Variants in GRIK2 observed in about 807,000 individuals in gnomAD.
The protein encoded by GRIK2 is glutamate ionotropic receptor kainate type subunit 2.
Under a neutral mutation model 100.3 loss-of-function variants are expected in GRIK2, and 32 were observed. The ratio of observed to expected loss-of-function variants is 0.32; its 90% confidence interval spans 0.24 to 0.43. The LOEUF is 0.43. Ranked by LOEUF, GRIK2 falls within the 20% of genes least tolerant of loss-of-function variation. The pLI is 1.00. For missense variants in GRIK2, 843 were observed against 1,114.9 expected, an observed-to-expected ratio of 0.76 and a Z score of 3.47; for synonymous variants, 417 against 389.4, an observed-to-expected ratio of 1.07 and a Z score of -0.83.
intron 2 of GRIK2, among the ~76,000 whole-genome samples, chr6:101,549,711 A>G (rs939924970): frequency 1.5e-4 from 23 of 152,114 alleles, no homozygotes; most frequent in Non-Finnish European, 2.1e-4. Context: ...CTCTTTTTTG[A>G]CTTAAGTTAA....
intron 7 of GRIK2, among the ~76,000 whole-genome samples, chr6:101,775,077 T>C (rs1266457242): frequency 2.6e-5 from 4 of 152,146 alleles, no homozygotes; most frequent in African/African-American, 7.2e-5. Context: ...ACAAGAGTTT[T>C]TGAAAGAATG....
intron 9 of GRIK2, among the ~76,000 whole-genome samples, chr6:101,804,100 C>A (rs1320243568): frequency 6.6e-6 from 1 of 151,418 alleles, no homozygotes; most frequent in Non-Finnish European, 1.5e-5. Context: ...TTCAAAAGAC[C>A]AATAAAAATA....
At chr6:101,531,254 A>C (rs186152930) in intron 2 of GRIK2, among the ~76,000 whole-genome samples, 1 of 151,992 alleles carries the variant, frequency 6.6e-6, no homozygotes, top group Non-Finnish European at 1.5e-5. Context: ...AATTATACAT[A>C]CTTCTAATAT....
At chr6:101,710,502 A>T (rs1773622803) in intron 7 of GRIK2, among the ~76,000 whole-genome samples, 1 of 151,956 alleles carries the variant, frequency 6.6e-6, no homozygotes, top group Admixed American at 6.6e-5. Flanking sequence ...AGTTTGAATC[A>T]AGAGTGGTGG....
At chr6:101,589,837 A>C (rs1778556522) in intron 2 of GRIK2, among the ~76,000 whole-genome samples, 1 of 152,120 alleles carries the variant, frequency 6.6e-6, no homozygotes, top group Admixed American at 6.6e-5. Context: ...CATGGAGAGA[A>C]GTAGTTTGGA....
At chr6:101,680,538 GT>G (rs1771166901) in intron 5 of GRIK2, among the ~76,000 whole-genome samples, 1 of 152,062 alleles carries the variant, frequency 6.6e-6, no homozygotes. Flanking sequence ...GACTTCTAGG[GT>G]TTTTATGAGG....
intron 2 of GRIK2, among the ~76,000 whole-genome samples, chr6:101,470,367 C>T (rs990680274): frequency 6.6e-6 from 1 of 152,114 alleles, no homozygotes; most frequent in African/African-American, 2.4e-5. Flanking sequence ...GGTGAGAGGG[C>T]AAGCTTCTTT....
chr6:101,527,781 A>T (rs1000168123), intron 2 of GRIK2, among the ~76,000 whole-genome samples: 5 of 152,198 alleles, frequency 3.3e-5, no homozygotes, highest in Non-Finnish European at 7.3e-5. Context: ...TATCTGGAAA[A>T]TAATAGGAAA....
At chr6:101,883,193 C>G (rs1786378054) in intron 11 of GRIK2, among the ~76,000 whole-genome samples, 1 of 150,764 alleles carries the variant, frequency 6.6e-6, no homozygotes, top group African/African-American at 2.4e-5. Flanking sequence ...ACTATGCGGT[C>G]TTTACAACAA....
chr6:101,457,197 T>C (rs565825069), intron 2 of GRIK2, among the ~76,000 whole-genome samples: 51 of 152,276 alleles, frequency 3.3e-4, no homozygotes, highest in African/African-American at 9.4e-4. Context: ...ATTCAGTGTG[T>C]CTGTTTTTCC....
chr6:102,065,982 A>C, intron 16 of GRIK2: 2 of 1,025,342 alleles, frequency 2.0e-6, no homozygotes. Flanking sequence ...GTCAGGTGCC[A>C]CATAAATCCT....
chr6:101,759,582 C>T (rs1777354949), intron 7 of GRIK2, among the ~76,000 whole-genome samples: 1 of 152,118 alleles, frequency 6.6e-6, no homozygotes, highest in African/African-American at 2.4e-5. Flanking sequence ...TACCAGGGGA[C>T]ATATGGCTGT....
At chr6:101,851,969 A>AT (rs1562439156) in intron 10 of GRIK2, among the ~76,000 whole-genome samples, 4 of 151,436 alleles carry the variant, frequency 2.6e-5, no homozygotes, top group African/African-American at 9.7e-5. Context: ...AAAAAAAAAA[A>AT]AAAAAATCTT....
rs76675593 is a variant in GRIK2, at chr6:101,442,203, G to A, written c.115+42811G>A. ...GCCAAAAACCAGGTTCTTGTCACAG[G>A]ACCAGGAAAAGATTAGGCTCACAGA... On this transcript the variant is annotated intron_variant, in intron 2 of 16. Coordinates refer to ENST00000369134, the MANE Select transcript of GRIK2 (RefSeq NM_021956.5). Among the ~76,000 whole-genome samples, 18 of 152,224 alleles carry A rather than the reference G, an allele frequency of 1.2e-4. No homozygotes were observed. The East Asian group carries it at 3.3e-3, about 28-fold the overall frequency.
At chr6:101,633,678 T>G (rs943233438) in intron 4 of GRIK2, among the ~76,000 whole-genome samples, 2 of 152,136 alleles carry the variant, frequency 1.3e-5, no homozygotes, top group Admixed American at 1.3e-4. Flanking sequence ...GATAAAATAA[T>G]CAAGATTTTT....
At chr6:101,733,496 C>T (rs1020523518) in intron 7 of GRIK2, among the ~76,000 whole-genome samples, 3 of 152,046 alleles carry the variant, frequency 2.0e-5, no homozygotes, top group Admixed American at 6.6e-5. Context: ...CTGGCATAAT[C>T]CTGTCTTTAT....
At chr6:101,981,958 T>C (rs1793737332) in intron 14 of GRIK2, among the ~76,000 whole-genome samples, 1 of 151,870 alleles carries the variant, frequency 6.6e-6, no homozygotes, top group South Asian at 2.1e-4. Context: ...ATTAGATGGA[T>C]GCATAGCTGG....
chr6:101,964,540 G>A (rs1792535358), intron 14 of GRIK2, among the ~76,000 whole-genome samples: 1 of 152,204 alleles, frequency 6.6e-6, no homozygotes, highest in East Asian at 1.9e-4. Context: ...CTAATGTCTA[G>A]TTCTCAAACC....
At chr6:102,067,692 A>T (rs17062802) in intron 16 of GRIK2, among the ~76,000 whole-genome samples, 1 of 151,872 alleles carries the variant, frequency 6.6e-6, no homozygotes, top group Non-Finnish European at 1.5e-5. Flanking sequence ...TATCAAGCTA[A>T]TGATGACAAA....
Sources: gnomAD v4.1 joint callset for allele counts (sites outside exome capture counted in the v4.1 genomes callset) on GRCh38, gnomAD v4.1.1 for gene constraint, MANE v1.5 for transcripts, NCBI Gene and HGNC (gene_info 2026-07-23, HGNC 2026-07-21) for gene names.